Variants in ITK observed in about 807,000 individuals in gnomAD.
The protein encoded by ITK is IL2 inducible T cell kinase.
Under a neutral mutation model 87.6 loss-of-function variants are expected in ITK, and 45 were observed. The observed-to-expected ratio is 0.51, with a 90% CI of 0.40 to 0.66. The LOEUF (loss-of-function observed/expected upper bound fraction) is 0.66, where lower values mean the gene tolerates loss of function less well. ITK is among the 30% of genes least tolerant of loss of function. The probability of loss-of-function intolerance (pLI) is 0.00; values close to 1 mark genes in which losing one functional copy is unlikely to be tolerated. For missense variants in ITK, 605 were observed against 766.3 expected (o/e 0.79, Z 2.48); for synonymous variants, 303 against 273.6 (o/e 1.11, Z -1.06).
chr5:157,188,728 T>G (rs1561646191), intron 1 of ITK, among the ~76,000 whole-genome samples: 1 of 152,198 alleles, frequency 6.6e-6, no homozygotes, highest in Non-Finnish European at 1.5e-5. Flanking sequence ...ACTCAAGCGA[T>G]CCTCTCGACT....
At chr5:157,181,901 T>C (rs1488905203) in intron 1 of ITK, among the ~76,000 whole-genome samples, 1 of 152,188 alleles carries the variant, frequency 6.6e-6, no homozygotes, top group African/African-American at 2.4e-5. Context: ...AATAATGTAG[T>C]TTGGTAGAAA....
chr5:157,230,254 T>G (rs1162001188), intron 7 of ITK, among the ~76,000 whole-genome samples: 1 of 152,232 alleles, frequency 6.6e-6, no homozygotes, highest in Non-Finnish European at 1.5e-5. Flanking sequence ...GTATAAAATA[T>G]CAGCAATTGG....
chr5:157,229,819 C>A (rs1253920093), intron 7 of ITK, among the ~76,000 whole-genome samples: 1 of 152,144 alleles, frequency 6.6e-6, no homozygotes, highest in Middle Eastern at 3.2e-3. Context: ...GAGGCTGAGG[C>A]AGGAGAATTG....
chr5:157,248,481 G>A (rs1755065624), intron 15 of ITK, among the ~76,000 whole-genome samples: 1 of 152,064 alleles, frequency 6.6e-6, no homozygotes, highest in African/African-American at 2.4e-5. Flanking sequence ...AATCATAGCT[G>A]TCTCCTTAAG....
intron 11 of ITK, 100 bp from the exon 12 acceptor site, chr5:157,243,523 A>T (rs1277428988): frequency 1.1e-6 from 1 of 943,018 alleles, no homozygotes; most frequent in Non-Finnish European, 1.8e-6. Context: ...TATATTAACA[A>T]TAGGCTAAAA....
intron 11 of ITK, among the ~76,000 whole-genome samples, chr5:157,242,926 A>G (rs1049527237): frequency 1.3e-5 from 2 of 152,252 alleles, no homozygotes; most frequent in African/African-American, 4.8e-5. Flanking sequence ...GCCTCAAAGC[A>G]GTGGAAATCT....
chr5:157,249,059 TC>T (rs777395822), intron 16 of ITK, 52 bp downstream of exon 16: 3 of 1,493,174 alleles, frequency 2.0e-6, no homozygotes, highest in Non-Finnish European at 2.8e-6. Context: ...TTTGAGGACC[TC>T]CCTCCTTCCC....
chr5:157,196,135 A>G (rs1260823021), intron 1 of ITK, among the ~76,000 whole-genome samples: 1 of 152,226 alleles, frequency 6.6e-6, no homozygotes, highest in East Asian at 1.9e-4. Context: ...TATTCAGCCC[A>G]AAATGTCAAT....
chr5:157,236,947 C>T (rs1374973433), intron 8 of ITK, among the ~76,000 whole-genome samples: 1 of 152,132 alleles, frequency 6.6e-6, no homozygotes, highest in East Asian at 1.9e-4. Context: ...TTAAGAGAAT[C>T]CTTATACACT....
Position 157,208,986 on chromosome 5 carries a change from C to A in ITK, c.236C>A (p.Pro79Gln). ...DISIPCHYKYPFQVVHDNYLL... is the reference protein window; with the variant it reads ...DISIPCHYKYQFQVVHDNYLL... Reference sequence around the variant, plus strand: ...AGCATCCCATGCCACTATAAATACCCGTTTCAGGTAAGTCCATCAGGTGGG... The same window carrying A: ...AGCATCCCATGCCACTATAAATACCAGTTTCAGGTAAGTCCATCAGGTGGG... Residue 79 changes from proline (P) to glutamine (Q), a missense_variant, in exon 2 of 17, where the codon CCG (proline) becomes CAG (glutamine). Transcript: ENST00000422843. 6.2e-7 allele frequency: 1 copy of A among 1,608,124 alleles called. No individual in the cohort carries two copies. The highest frequency in any genetic ancestry group is 8.5e-7 in the Non-Finnish European group (1 of 1,174,602).
chr5:157,243,832 G>C (rs1188661690), intron 12 of ITK, 38 bp downstream of exon 12: 20 of 1,589,692 alleles, frequency 1.3e-5, no homozygotes, highest in Non-Finnish European at 1.7e-5. Flanking sequence ...AAACTCTGGG[G>C]GGAACATCGG....
intron 2 of ITK, among the ~76,000 whole-genome samples, chr5:157,209,701 G>C (rs75355720): frequency 0.043 from 6,552 of 152,114 alleles, 196 homozygotes; most frequent in Middle Eastern, 0.068. Context: ...AGATTCTGAG[G>C]CAAAAAGATT....
Position 157,180,869 on chromosome 5 carries a change from C to T in ITK, c.-109C>T. On this transcript the variant is annotated 5_prime_UTR_variant, in exon 1 of 17. Transcript: ENST00000422843. The stretch of plus-strand genomic sequence containing the variant: ...TTGAAGGCAAGTTGCCCTTGAGCAG[C>T]TCTCTGAAGATCAACTGCCTCCACA... 9.3e-7 allele frequency: 1 copy of T among 1,070,500 alleles called. No individual in the cohort carries two copies. The highest frequency in any genetic ancestry group is 1.8e-5 in the Admixed American group (1 of 56,296). The allele number at this position is 1,070,500 out of a possible 1,614,324, so 66.3% of individuals were successfully genotyped here.
At chr5:157,193,952 C>T (rs1397584568) in intron 1 of ITK, among the ~76,000 whole-genome samples, 1 of 152,180 alleles carries the variant, frequency 6.6e-6, no homozygotes, top group Non-Finnish European at 1.5e-5. Context: ...TTTCTCATTT[C>T]CTCCTTACAA....
intron 3 of ITK, among the ~76,000 whole-genome samples, chr5:157,213,153 G>T (rs996122269): frequency 6.6e-6 from 1 of 152,200 alleles, no homozygotes; most frequent in Non-Finnish European, 1.5e-5. Context: ...GGTGGAAGGT[G>T]AAGGGGAGGC....
At chr5:157,228,433 G>A in intron 7 of ITK, 72 bp downstream of exon 7, 1 of 917,768 alleles carries the variant, frequency 1.1e-6, no homozygotes, top group Non-Finnish European at 1.8e-6. Context: ...TAAATTATTG[G>A]TTGACTGTAA....
chr5:157,213,635 G>A (rs944630366), intron 3 of ITK: 2 of 443,004 alleles, frequency 4.5e-6, no homozygotes, highest in Non-Finnish European at 9.0e-6. Flanking sequence ...TCTTGCCTCG[G>A]CCTACGAAAG....
chr5:157,225,261 G>T (rs956546287), intron 6 of ITK, among the ~76,000 whole-genome samples: 5 of 152,082 alleles, frequency 3.3e-5, no homozygotes, highest in African/African-American at 1.2e-4. Flanking sequence ...TCCCAAAGTA[G>T]TTGGGATTAC....
At chr5:157,230,192 G>A (rs984563846) in intron 7 of ITK, among the ~76,000 whole-genome samples, 2 of 152,114 alleles carry the variant, frequency 1.3e-5, no homozygotes, top group African/African-American at 4.8e-5. Context: ...TTCTCAAATA[G>A]TTCAGAAGAA....
Sources: allele counts gnomAD v4.1 joint callset (sites outside exome capture counted in the v4.1 genomes callset), GRCh38; gene constraint gnomAD v4.1.1; transcripts MANE v1.5; gene names NCBI Gene and HGNC (gene_info 2026-07-23, HGNC 2026-07-21).